The following CYP4F12 variants were observed in gnomAD, a reference collection of about 807,000 sequenced individuals.
The protein encoded by CYP4F12 is cytochrome P450 4F12.
Under a neutral mutation model 56.5 loss-of-function variants are expected in CYP4F12, and 60 were observed. The ratio of observed to expected loss-of-function variants is 1.06; its 90% CI spans 0.86 to 1.32. The LOEUF (loss-of-function observed/expected upper bound fraction) is 1.32. Ranked by LOEUF, CYP4F12 falls within the 40% of genes most tolerant of loss-of-function variation. The pLI is 0.00. For missense variants in CYP4F12, 711 were observed against 683.5 expected (o/e 1.04, Z -0.45); for synonymous variants, 263 against 264.9 (o/e 0.99, Z 0.07).
chr19:15,696,115 T>G (rs756131054), intron 10 of CYP4F12, 46 bp downstream of exon 10: 1 of 1,610,940 alleles, frequency 6.2e-7, no homozygotes, highest in Non-Finnish European at 8.5e-7. Context: ...AGGAAGATGG[T>G]TCCCTCAGGG....
chr19:15,692,606 T>C (rs2007922446), intron 9 of CYP4F12, among the ~76,000 whole-genome samples: 1 of 152,152 alleles, frequency 6.6e-6, no homozygotes, highest in Non-Finnish European at 1.5e-5. Context: ...CAACTGAACC[T>C]TGTTCTCATA....
chr19:15,673,311 A>G (rs761441780), intron 1 of CYP4F12, 176 bp downstream of exon 1: 2 of 587,266 alleles, frequency 3.4e-6, no homozygotes, highest in African/African-American at 1.9e-5. Context: ...TAATCGGCCC[A>G]TCTCTTTCCC....
chr19:15,688,981 T>C (rs1230710424), intron 9 of CYP4F12, among the ~76,000 whole-genome samples: 1 of 152,120 alleles, frequency 6.6e-6, no homozygotes, highest in Non-Finnish European at 1.5e-5. Flanking sequence ...ACAGAAACCA[T>C]AACAATTTTA....
rs1433513905 is a variant in CYP4F12 at position 15,680,458 on chromosome 19, T to G, written c.464T>G (p.Phe155Cys). 1 of 1,614,046 alleles carries G rather than the reference T, an allele frequency of 6.2e-7. No homozygotes were observed. Among genetic ancestry groups the G allele is most frequent in the East Asian group, 2.2e-5 (1 of 44,894 alleles). The change falls in exon 5 of 13, where the codon TTC becomes TGC. Residue 155 changes from phenylalanine (F) to cysteine (C), a missense_variant. Coordinates refer to ENST00000550308, the MANE Select transcript of CYP4F12 (RefSeq NM_023944.4). Reference sequence around the variant, plus strand: ...CACCGTCGGATGCTGACGCCCGCCTTCCATTTCAACATCCTGAAGTCCTAT... The same window carrying G: ...CACCGTCGGATGCTGACGCCCGCCTGCCATTTCAACATCCTGAAGTCCTAT... ...SRHRRMLTPA[F>C]HFNILKSYIT...
Position 15,680,405 on chromosome 19 carries a change from G to A in CYP4F12, c.411G>A (p.Leu137=). 1 of 1,614,178 alleles carries A rather than the reference G, an allele frequency of 6.2e-7. No homozygotes were observed. The highest frequency in any genetic ancestry group is 1.3e-5 in the African/African-American group (1 of 75,058). ...FLKPWLGEGI[L]LSGGDKWSRH... is the part of the protein sequence containing the mutation. ...CTGCCCTACTAGGAGAAGGGATACT[G>A]CTGAGTGGCGGTGACAAGTGGAGCC... Residue 137 remains leucine, a synonymous_variant, in exon 5 of 13, where the codon CTG becomes CTA. Transcript: ENST00000550308.
At position 15,696,009 on chromosome 19, in the gene CYP4F12, T is replaced by G. The variant is rs758124816; in HGVS notation, c.1189T>G (p.Phe397Val). 1 of 1,613,888 alleles carries G rather than the reference T, an allele frequency of 6.2e-7. No homozygotes were observed. Among genetic ancestry groups the G allele is most frequent in the African/African-American group, 1.3e-5 (1 of 74,906 alleles). Residue 397 changes from phenylalanine (F) to valine (V), a missense_variant, in exon 10 of 13, where the codon TTC becomes GTC. By Grantham distance (50) the Phe-to-Val change is conservative. Transcript: ENST00000550308. The part of the protein sequence containing the change: ...ESLRLHPPAP[F>V]ISRCCTQDIV... The stretch of plus-strand genomic sequence containing the variant: ...CCTGAGGTTACATCCCCCAGCTCCC[T>G]TCATCTCCCGATGCTGCACCCAGGA...
At chr19:15,688,583 T>A (rs771701201) in intron 9 of CYP4F12, among the ~76,000 whole-genome samples, 4 of 152,168 alleles carry the variant, frequency 2.6e-5, no homozygotes, top group Non-Finnish European at 5.9e-5. Flanking sequence ...ACCTTCATCA[T>A]TTTTCACACA....
At chr19:15,695,190 A>G (rs980926709) in intron 9 of CYP4F12, among the ~76,000 whole-genome samples, 1 of 152,086 alleles carries the variant, frequency 6.6e-6, no homozygotes, top group African/African-American at 2.4e-5. Context: ...TGATGAGTTC[A>G]TGTCCCTTGT....
intron 3 of CYP4F12, chr19:15,678,708 A>G: frequency 3.0e-6 from 1 of 328,058 alleles, no homozygotes; most frequent in South Asian, 5.2e-5. Flanking sequence ...GACAACACAG[A>G]GAACTGGGTG....
At chr19:15,678,634 C>T (rs1207416062) in intron 3 of CYP4F12, 35 of 513,796 alleles carry the variant, frequency 6.8e-5, no homozygotes, top group Non-Finnish European at 1.1e-4. Context: ...CTTAAGGACA[C>T]GGGTCTAGAC....
intron 3 of CYP4F12, among the ~76,000 whole-genome samples, chr19:15,678,851 TC>T (rs2007129716): frequency 6.6e-6 from 1 of 152,136 alleles, no homozygotes; most frequent in African/African-American, 2.4e-5. Flanking sequence ...TCCCAGCCAG[TC>T]CTTGCACCAG....
intron 2 of CYP4F12, among the ~76,000 whole-genome samples, chr19:15,675,866 TTTC>T (rs745548043): frequency 1.5e-4 from 23 of 152,218 alleles, no homozygotes; most frequent in Non-Finnish European, 3.1e-4. Context: ...AGATAGGGTG[TTTC>T]TTCTTATCTC....
At chr19:15,694,917 G>C (rs1041285875) in intron 9 of CYP4F12, among the ~76,000 whole-genome samples, 4 of 152,186 alleles carry the variant, frequency 2.6e-5, no homozygotes, top group Non-Finnish European at 5.9e-5. Context: ...CTGTAAACTA[G>C]TTCAACCATG....
rs776109999 is a variant in CYP4F12, at chr19:15,695,940, G to T, written c.1120G>T (p.Asp374Tyr). Reference protein sequence around the residue: ...DRDPKEIEWDDLAQLPFLTMC... With the variant: ...DRDPKEIEWDYLAQLPFLTMC... ...GGGGCTGGGGTGTTTCCTTAGGGAC[G>T]ACCTGGCCCAGCTGCCCTTCCTGAC... The change falls in exon 10 of 13, where the codon GAC (aspartate) becomes TAC (tyrosine). Residue 374 changes from aspartate (D) to tyrosine (Y), a missense_variant. Transcript: ENST00000550308. 6.2e-7 allele frequency: 1 copy of T among 1,612,418 alleles called. No individual in the cohort carries two copies. Among genetic ancestry groups the T allele is most frequent in the Non-Finnish European group, 8.5e-7 (1 of 1,179,474 alleles).
At chr19:15,683,086 GAGAGAC>G (rs1397977804) in intron 6 of CYP4F12, among the ~76,000 whole-genome samples, 8 of 151,738 alleles carry the variant, frequency 5.3e-5, no homozygotes, top group East Asian at 1.9e-4. Flanking sequence ...GAGAGAGACA[GAGAGAC>G]AGAGAGAGAG....
intron 9 of CYP4F12, among the ~76,000 whole-genome samples, chr19:15,691,407 A>G (rs575323278): frequency 1.3e-5 from 2 of 152,370 alleles, no homozygotes; most frequent in South Asian, 4.1e-4. Flanking sequence ...CTACAGTTGT[A>G]ATAATGATTG....
At position 15,696,994 on chromosome 19, in the gene CYP4F12, A is replaced by G; in HGVS notation, c.1484A>G (p.His495Arg). The G allele has an allele frequency of 6.2e-7, 1 of 1,614,232 alleles. No homozygotes were observed. Among genetic ancestry groups the G allele is most frequent in the Non-Finnish European group, 8.5e-7 (1 of 1,180,028 alleles). The change falls in exon 13 of 13, where the codon CAC becomes CGC. Residue 495 changes from histidine to arginine, a missense_variant. By Grantham distance (29) the His-to-Arg change is conservative. Coordinates refer to ENST00000550308, the MANE Select transcript of CYP4F12 (RefSeq NM_023944.4). ...MLLHFRFLPD[H>R]TEPRRKLELI... ...CTGCACTTCCGGTTCCTGCCAGACC[A>G]CACTGAGCCCCGCAGGAAGCTGGAA...
intron 12 of CYP4F12, 41 bp from the exon 13 acceptor site, chr19:15,696,867 C>T (rs756521710): frequency 3.2e-6 from 5 of 1,571,076 alleles, no homozygotes; most frequent in South Asian, 2.3e-5. Flanking sequence ...GACCCAAATG[C>T]GGGTCTTGGG....
chr19:15,684,324 T>G (rs1164835492), intron 7 of CYP4F12: 1 of 157,364 alleles, frequency 6.4e-6, no homozygotes, highest in Admixed American at 6.3e-5. Context: ...GAGAATGCTT[T>G]GTTCTGGCGT....
Sources: allele counts gnomAD v4.1 joint callset (sites outside exome capture counted in the v4.1 genomes callset), GRCh38; gene constraint gnomAD v4.1.1; transcripts MANE v1.5; gene names NCBI Gene and HGNC (gene_info 2026-07-23, HGNC 2026-07-21).